ADGRL2: variants seen among roughly 807,000 people sequenced by gnomAD.
ADGRL2 encodes the protein calcium-independent alpha-latrotoxin receptor 2.
Under a neutral mutation model 157.4 loss-of-function variants are expected in ADGRL2, and 44 were observed. The observed-to-expected ratio is 0.28, with a 90% CI of 0.22 to 0.36. The LOEUF is 0.36. ADGRL2 is among the 10% of genes least tolerant of loss of function. ADGRL2 has a pLI of 1.00. For synonymous variants in ADGRL2, 585 were observed against 624.7 expected (o/e 0.94, Z 0.95); for missense variants, 1,510 against 1,768.9 (o/e 0.85, Z 2.63).
intron 1 of ADGRL2, among the ~76,000 whole-genome samples, chr1:81,307,823 CT>C: frequency 1.5e-5 from 1 of 67,096 alleles, no homozygotes; most frequent in African/African-American, 8.0e-5. Context: ...AGTTCTTTTT[CT>C]TTTTGATAGA....
intron 1 of ADGRL2, among the ~76,000 whole-genome samples, chr1:81,362,235 CT>C (rs1023595025): frequency 1.1e-4 from 16 of 151,722 alleles, no homozygotes; most frequent in African/African-American, 3.1e-4. Flanking sequence ...TTTTTGAGGA[CT>C]TTTTTTTCCC....
intron 1 of ADGRL2, among the ~76,000 whole-genome samples, chr1:81,345,329 T>TCCAAGCGCA (rs1553155611): frequency 3.3e-5 from 5 of 152,184 alleles, no homozygotes; most frequent in Admixed American, 6.5e-5. Context: ...GGTGCGCTTA[T>TCCAAGCGCA]CCAAGGTGAT....
chr1:81,622,496 G>T (rs1038226460), intron 3 of ADGRL2, among the ~76,000 whole-genome samples: 1 of 152,198 alleles, frequency 6.6e-6, no homozygotes. Context: ...CAGGAGAATC[G>T]CTTGAACCTG....
At chr1:81,700,475 C>A (rs1210372183) in intron 1 of ADGRL2, among the ~76,000 whole-genome samples, 1 of 152,152 alleles carries the variant, frequency 6.6e-6, no homozygotes, top group African/African-American at 2.4e-5. Context: ...TAAAATAAAA[C>A]ATCATTTGTT....
At chr1:81,532,640 C>G (rs2079629499) in intron 2 of ADGRL2, among the ~76,000 whole-genome samples, 1 of 150,716 alleles carries the variant, frequency 6.6e-6, no homozygotes, top group South Asian at 2.1e-4. Flanking sequence ...AATAGGCCTG[C>G]CTGGTGGCTC....
rs558353547 is a variant in ADGRL2, at chr1:81,589,176, A to T, written c.-143+8196A>T. Among the ~76,000 whole-genome samples the T allele has an allele frequency of 3.3e-5, 5 of 152,298 alleles. No individual in the cohort carries two copies. The South Asian group carries it at 1.0e-3, about 32-fold the overall frequency. ...AAGCTGGTGCTGTAACTGGGCTAGC[A>T]TGTGGTAGGACCAATGAACTCCACG... is the stretch of plus-strand genomic sequence containing the variant. On this transcript the variant is annotated intron_variant, in intron 3 of 24. Coordinates refer to the ADGRL2 transcript ENST00000370721.
At chr1:81,404,205 T>G (rs72713472) in intron 1 of ADGRL2, among the ~76,000 whole-genome samples, 1 of 152,162 alleles carries the variant, frequency 6.6e-6, no homozygotes, top group Non-Finnish European at 1.5e-5. Context: ...ATATACAGCA[T>G]ACCAACCCCC....
intron 3 of ADGRL2, among the ~76,000 whole-genome samples, chr1:81,673,690 T>C (rs1485706781): frequency 6.6e-6 from 1 of 151,996 alleles, no homozygotes; most frequent in Non-Finnish European, 1.5e-5. Context: ...AATTTTTTTG[T>C]ATTTTTTTAG....
At chr1:81,883,515 C>A (rs901389516) in intron 2 of ADGRL2, among the ~76,000 whole-genome samples, 15 of 152,046 alleles carry the variant, frequency 9.9e-5, no homozygotes, top group Non-Finnish European at 2.1e-4. Context: ...TAAGCGAATC[C>A]ATTTATTTAA....
chr1:81,596,578 G>A (rs752327567), intron 3 of ADGRL2: 1 of 268,420 alleles, frequency 3.7e-6, no homozygotes, highest in South Asian at 4.3e-5. Flanking sequence ...GAGAAGGAGC[G>A]GGCGGATCAG....
chr1:81,967,976 C>T (rs1657625650), intron 13 of ADGRL2, 50 bp from the exon 14 acceptor site: 1 of 1,414,094 alleles, frequency 7.1e-7, no homozygotes, highest in South Asian at 1.2e-5. Context: ...ATTGCTGTTG[C>T]CATCTTAGAA....
At chr1:81,729,857 G>A (rs1042613564) in intron 1 of ADGRL2, among the ~76,000 whole-genome samples, 1 of 152,132 alleles carries the variant, frequency 6.6e-6, no homozygotes, top group African/African-American at 2.4e-5. Context: ...TATGACACAT[G>A]GCTAAATTTA....
At chr1:81,433,850 G>T (rs181114085) in intron 1 of ADGRL2, among the ~76,000 whole-genome samples, 11 of 152,276 alleles carry the variant, frequency 7.2e-5, no homozygotes, top group Admixed American at 7.2e-4. Context: ...AGGAACTGAA[G>T]TCATGTAAAG....
intron 17 of ADGRL2, among the ~76,000 whole-genome samples, chr1:81,975,570 G>T: frequency 6.6e-6 from 1 of 151,284 alleles, no homozygotes. Flanking sequence ...TTGTAAATGC[G>T]TATCAAAGGC....
rs772650890 is a variant in ADGRL2 at position 81,936,717 on chromosome 1, T to C, written c.288-11T>C. 29 of 1,429,892 alleles carry C rather than the reference T, an allele frequency of 2.0e-5. No homozygotes were observed. Among genetic ancestry groups the C allele is most frequent in the Non-Finnish European group, 2.7e-5 (28 of 1,022,080 alleles). The allele number at this position is 1,429,892 out of a possible 1,614,324, so 88.6% of individuals were successfully genotyped here. ...TTATGTTACACAAGTTTGATACATT[T>C]TGTTTTTCAGGTGCAACAATCGAAC... is the stretch of plus-strand genomic sequence containing the variant. On this transcript the variant is annotated splice_polypyrimidine_tract_variant and intron_variant, in intron 3 of 23. Coordinates refer to ENST00000686636, the MANE Select transcript of ADGRL2 (RefSeq NM_001366006.2).
At chr1:81,484,031 G>T (rs2078447260) in intron 2 of ADGRL2, among the ~76,000 whole-genome samples, 1 of 151,936 alleles carries the variant, frequency 6.6e-6, no homozygotes, top group Non-Finnish European at 1.5e-5. Flanking sequence ...TTTAAACTGT[G>T]TAAGTCTTCA....
intron 1 of ADGRL2, among the ~76,000 whole-genome samples, chr1:81,405,181 G>T (rs904833416): frequency 6.6e-6 from 1 of 152,134 alleles, no homozygotes; most frequent in Non-Finnish European, 1.5e-5. Flanking sequence ...CCCACTCTGA[G>T]GAGCAGCATG....
intron 3 of ADGRL2, chr1:81,586,321 A>G (rs1218357440): frequency 6.6e-6 from 1 of 152,004 alleles, no homozygotes; most frequent in Non-Finnish European, 1.5e-5. Context: ...CTCCTTCTTC[A>G]TGCAGAGATT....
chr1:81,719,850 G>T (rs2084239540), intron 1 of ADGRL2, among the ~76,000 whole-genome samples: 1 of 151,978 alleles, frequency 6.6e-6, no homozygotes, highest in African/African-American at 2.4e-5. Flanking sequence ...GATTCCTGAG[G>T]GGGCCTTTCT....
Sources: allele counts gnomAD v4.1 joint callset (sites outside exome capture counted in the v4.1 genomes callset), GRCh38; gene constraint gnomAD v4.1.1; transcripts MANE v1.5; gene names NCBI Gene and HGNC (gene_info 2026-07-23, HGNC 2026-07-21).